Variants in MTHFD1L observed in about 807,000 individuals in gnomAD.
MTHFD1L encodes monofunctional C1-tetrahydrofolate synthase, mitochondrial.
A neutral mutation model predicts 119.5 loss-of-function variants in MTHFD1L; 81 were observed. The ratio of observed to expected loss-of-function variants is 0.68; its 90% CI spans 0.57 to 0.82. MTHFD1L has a LOEUF of 0.82. Ranked by LOEUF, MTHFD1L falls within the 40% of genes least tolerant of loss-of-function variation. The probability of loss-of-function intolerance (pLI) is 0.00; values close to 1 mark genes in which losing one functional copy is unlikely to be tolerated. For missense variants in MTHFD1L, 1,125 were observed against 1,253.4 expected (o/e 0.90, Z 1.55); for synonymous variants, 430 against 475.2 (o/e 0.90, Z 1.24).
At chr6:150,982,923 C>T (rs1777746995) in intron 20 of MTHFD1L, among the ~76,000 whole-genome samples, 1 of 152,192 alleles carries the variant, frequency 6.6e-6, no homozygotes, top group South Asian at 2.1e-4. Context: ...TGGTTTCAAA[C>T]TCCTGACCTC....
chr6:150,901,089 G>A (rs971586716), intron 7 of MTHFD1L, among the ~76,000 whole-genome samples: 3 of 152,008 alleles, frequency 2.0e-5, no homozygotes, highest in Non-Finnish European at 4.4e-5. Flanking sequence ...TCTTAGAAAA[G>A]TGACATCTAA....
intron 8 of MTHFD1L, among the ~76,000 whole-genome samples, chr6:150,910,351 G>A (rs952885735): frequency 6.6e-6 from 1 of 151,690 alleles, no homozygotes; most frequent in African/African-American, 2.4e-5. Context: ...ATCACCTGCG[G>A]TGGGGAGTTC....
chr6:150,911,988 GA>G (rs571470586), intron 8 of MTHFD1L, among the ~76,000 whole-genome samples: 86 of 152,118 alleles, frequency 5.7e-4, no homozygotes, highest in African/African-American at 2.0e-3. Flanking sequence ...TTTGGGTGGG[GA>G]CACAGCCAAA....
At chr6:150,918,059 A>G (rs984893464) in intron 8 of MTHFD1L, among the ~76,000 whole-genome samples, 5 of 140,980 alleles carry the variant, frequency 3.5e-5, no homozygotes, top group Non-Finnish European at 4.6e-5. Context: ...AATAGCTTAG[A>G]TGGCCTTTTT....
intron 7 of MTHFD1L, among the ~76,000 whole-genome samples, chr6:150,892,019 G>A (rs1486320451): frequency 6.6e-6 from 1 of 151,530 alleles, no homozygotes; most frequent in African/African-American, 2.4e-5. Context: ...TAATGCTTGG[G>A]TTAAGACAGC....
chr6:151,096,664 A>G (rs968290669), intron 27 of MTHFD1L, among the ~76,000 whole-genome samples: 4 of 152,230 alleles, frequency 2.6e-5, no homozygotes, highest in African/African-American at 9.6e-5. Flanking sequence ...TTGCTCCTTC[A>G]GGGATCACAC....
chr6:150,894,660 A>G (rs1783919494), intron 7 of MTHFD1L, among the ~76,000 whole-genome samples: 1 of 152,188 alleles, frequency 6.6e-6, no homozygotes. Context: ...TGGGCCAGTT[A>G]CTACTTTCAG....
At chr6:150,872,023 G>A (rs181634963) in intron 1 of MTHFD1L, among the ~76,000 whole-genome samples, 112 of 150,970 alleles carry the variant, frequency 7.4e-4, no homozygotes, top group Admixed American at 4.6e-3. Context: ...GATTATAGGC[G>A]TGCACCACCA....
chr6:150,907,884 A>G (rs1786202815), intron 8 of MTHFD1L, among the ~76,000 whole-genome samples: 1 of 149,206 alleles, frequency 6.7e-6, no homozygotes, highest in Admixed American at 6.7e-5. Flanking sequence ...ACGCTTAGTA[A>G]CCGCTCTGTG....
At chr6:150,925,763 A>G (rs1016734647) in intron 10 of MTHFD1L, among the ~76,000 whole-genome samples, 3 of 152,102 alleles carry the variant, frequency 2.0e-5, no homozygotes, top group African/African-American at 7.2e-5. Flanking sequence ...ATTCATCGCT[A>G]ATGAATACCA....
At chr6:151,011,232 A>G (rs946391006) in intron 21 of MTHFD1L, among the ~76,000 whole-genome samples, 9 of 152,262 alleles carry the variant, frequency 5.9e-5, no homozygotes, top group African/African-American at 1.7e-4. Flanking sequence ...GTAGTAAATC[A>G]TAAAGAATTC....
At chr6:150,921,140 A>G (rs1198398605) in intron 9 of MTHFD1L, among the ~76,000 whole-genome samples, 1 of 147,346 alleles carries the variant, frequency 6.8e-6, no homozygotes, top group African/African-American at 2.5e-5. Flanking sequence ...ATTTTTTGAG[A>G]TGGAGTTTTG....
intron 17 of MTHFD1L, 134 bp downstream of exon 17, chr6:150,956,205 T>G (rs1795622069): frequency 1.2e-6 from 1 of 800,650 alleles, no homozygotes; most frequent in African/African-American, 1.7e-5. Flanking sequence ...TTTTGGGTGC[T>G]CAGCAGGGCT....
chr6:151,072,394 CAGTTGA>C (rs1792042762), intron 26 of MTHFD1L, among the ~76,000 whole-genome samples: 1 of 152,076 alleles, frequency 6.6e-6, no homozygotes, highest in African/African-American at 2.4e-5. Context: ...TAATTAGATG[CAGTTGA>C]ATAATAACCT....
At chr6:151,061,861 C>T (rs1008425989) in intron 26 of MTHFD1L, among the ~76,000 whole-genome samples, 1 of 152,200 alleles carries the variant, frequency 6.6e-6, no homozygotes, top group Non-Finnish European at 1.5e-5. Flanking sequence ...GCACATTTTT[C>T]TATTTCAAGT....
chr6:151,063,411 C>A (rs915056711), intron 26 of MTHFD1L, among the ~76,000 whole-genome samples: 1 of 152,136 alleles, frequency 6.6e-6, no homozygotes, highest in Admixed American at 6.5e-5. Flanking sequence ...TCATTTATTG[C>A]CTCGTTTGTC....
Position 151,014,868 on chromosome 6 carries a change from T to G in MTHFD1L, c.2308-12T>G, listed in dbSNP as rs1436803442. The G allele has an allele frequency of 2.5e-6, 4 of 1,613,104 alleles. No individual in the cohort carries two copies. Among genetic ancestry groups the G allele is most frequent in the East Asian group, 2.2e-5 (1 of 44,872 alleles). On this transcript the variant is annotated splice_polypyrimidine_tract_variant and intron_variant, in intron 22 of 27. Transcript: ENST00000367321. ...CACAGGGGTCTGGGTTTTGCTTTTT[T>G]CTTTTTTACAGAACATCCAGCTGGT... is the stretch of plus-strand genomic sequence containing the variant.
In MTHFD1L at chr6:151,099,611, T is replaced by C. The variant is rs990277258; in HGVS notation, c.*32-1915T>C. The stretch of plus-strand genomic sequence containing the variant: ...ATCCGGCACCAGTCAGACCATTATG[T>C]CAAAATTAAGCGTAACTGGTGGAAA... On this transcript the variant is annotated intron_variant, in intron 27 of 27. Transcript: ENST00000367321. 2.9e-5 allele frequency: 46 copies of C among 1,609,874 alleles called. No homozygotes were observed. In the Middle Eastern group the frequency reaches 6.6e-4, roughly 23 times the overall value.
chr6:151,059,744 A>G (rs766831866), intron 26 of MTHFD1L, among the ~76,000 whole-genome samples: 9 of 152,182 alleles, frequency 5.9e-5, no homozygotes, highest in Non-Finnish European at 1.0e-4. Flanking sequence ...TCCTACCCAC[A>G]GTCTGGAGGG....
Sources: allele counts gnomAD v4.1 joint callset (sites outside exome capture counted in the v4.1 genomes callset), GRCh38; gene constraint gnomAD v4.1.1; transcripts MANE v1.5; gene names NCBI Gene and HGNC (gene_info 2026-07-23, HGNC 2026-07-21).